RUNX1T1: variants seen among roughly 807,000 people sequenced by gnomAD.
RUNX1T1 encodes protein CBFA2T1.
A neutral mutation model predicts 62.8 loss-of-function variants in RUNX1T1; 4 were observed. The observed-to-expected ratio is 0.06, with a 90% CI of 0.03 to 0.15. The LOEUF (loss-of-function observed/expected upper bound fraction) is 0.15. Among genes scored for constraint, RUNX1T1 ranks in the 10% least tolerant of loss-of-function variants. RUNX1T1 has a pLI of 1.00. For synonymous variants in RUNX1T1, 291 were observed against 286.0 expected (o/e 1.02, Z -0.18); for missense variants, 508 against 754.3 (o/e 0.67, Z 3.82).
At chr8:92,060,459 A>G (rs1241531868) in intron 1 of RUNX1T1, among the ~76,000 whole-genome samples, 3 of 149,188 alleles carry the variant, frequency 2.0e-5, no homozygotes, top group Non-Finnish European at 4.5e-5. Flanking sequence ...AAGGCCCTAG[A>G]TATGGCAATT....
chr8:92,051,537 T>C (rs1425221189), intron 1 of RUNX1T1, among the ~76,000 whole-genome samples: 6 of 150,182 alleles, frequency 4.0e-5, no homozygotes, highest in Admixed American at 3.3e-4. Context: ...TACACATACA[T>C]TCTCTCTTGC....
rs1462712434 is a variant in RUNX1T1 at position 92,021,931 on chromosome 8, T to C, written c.8-4568A>G. Among the ~76,000 whole-genome samples the C allele has an allele frequency of 2.7e-5, 4 of 150,518 alleles. No individual in the cohort carries two copies. In the East Asian group the frequency reaches 7.8e-4, roughly 29 times the overall value. On this transcript the variant is annotated intron_variant, in intron 1 of 10. Coordinates refer to ENST00000396218, the Ensembl canonical transcript of RUNX1T1. ...TAGAATGACCCGTCCCACTTGCACA[T>C]TCTTCACTGCTCACTGTAGATCACA...
At chr8:92,060,050 A>C (rs948100999) in intron 1 of RUNX1T1, among the ~76,000 whole-genome samples, 20 of 152,276 alleles carry the variant, frequency 1.3e-4, no homozygotes, top group Admixed American at 1.2e-3. Flanking sequence ...GATTCATAAA[A>C]ATATAAGTGT....
At chr8:91,959,466 G>GTA (rs1244578774) in exon 11 of RUNX1T1, 18 of 89,286 alleles carry the variant, frequency 2.0e-4, no homozygotes, top group African/African-American at 1.0e-3. Flanking sequence ...GTGTGTGTGT[G>GTA]TATATGTGCG....
At chr8:92,093,957 A>G (rs1271704227) in intron 1 of RUNX1T1, among the ~76,000 whole-genome samples, 1 of 152,214 alleles carries the variant, frequency 6.6e-6, no homozygotes, top group Non-Finnish European at 1.5e-5. Flanking sequence ...TTCTTAGCCA[A>G]AAGAGCTCTA....
chr8:92,096,690 A>T (rs1291067557), intron 1 of RUNX1T1, among the ~76,000 whole-genome samples: 1 of 152,116 alleles, frequency 6.6e-6, no homozygotes, highest in Non-Finnish European at 1.5e-5. Context: ...AAATTACACA[A>T]TTGTTCATGG....
rs188425447 is a variant in RUNX1T1 at position 92,076,196 on chromosome 8, T to C, written c.-85-59A>G. Reference sequence around the variant, plus strand: ...ATATCACAACCAGTCTGAAGTATCATACCCATCTGTTTACATGATAACACT... The same window carrying C: ...ATATCACAACCAGTCTGAAGTATCACACCCATCTGTTTACATGATAACACT... On this transcript the variant is annotated intron_variant, in intron 1 of 11. Coordinates refer to the RUNX1T1 transcript ENST00000265814. 1.4e-4 allele frequency: 188 copies of C among 1,345,968 alleles called. 1 individual carries two copies. The East Asian group carries it at 3.7e-3, about 26-fold the overall frequency. The allele number at this position is 1,345,968 out of a possible 1,614,324, so 83.4% of individuals were successfully genotyped here.
At chr8:91,956,447 G>T (rs1394449897), downstream of RUNX1T1, 3 of 228,232 alleles carry the variant, frequency 1.3e-5, no homozygotes, top group Non-Finnish European at 2.6e-5. Flanking sequence ...TCAGGCTGGG[G>T]TCACTGGTGG....
At chr8:92,061,578 A>C (rs1832035371) in intron 1 of RUNX1T1, among the ~76,000 whole-genome samples, 1 of 152,216 alleles carries the variant, frequency 6.6e-6, no homozygotes, top group Non-Finnish European at 1.5e-5. Context: ...TGGACGAGAC[A>C]CATCCTAAAG....
At chr8:92,095,526 G>A (rs1837666387) in intron 1 of RUNX1T1, 3 of 1,495,968 alleles carry the variant, frequency 2.0e-6, no homozygotes, top group Admixed American at 2.2e-5. Context: ...CGTGCATCAG[G>A]GTGATTACAA....
intron 8 of RUNX1T1, among the ~76,000 whole-genome samples, chr8:91,983,278 T>G (rs748411468): frequency 6.9e-4 from 105 of 152,068 alleles, no homozygotes; most frequent in Non-Finnish European, 1.4e-3. Flanking sequence ...ATCGAGTTAT[T>G]TTACTAACCC....
At chr8:92,003,902 T>C (rs1820232679) in intron 5 of RUNX1T1, among the ~76,000 whole-genome samples, 1 of 152,334 alleles carries the variant, frequency 6.6e-6, no homozygotes, top group South Asian at 2.1e-4. Flanking sequence ...CTACAATACG[T>C]CAAAAGGGGA....
intron 1 of RUNX1T1, among the ~76,000 whole-genome samples, chr8:92,030,546 A>C (rs985140907): frequency 2.6e-5 from 4 of 152,226 alleles, no homozygotes; most frequent in African/African-American, 9.6e-5. Context: ...AACTGACGAT[A>C]ATAATGAAAT....
intron 1 of RUNX1T1, among the ~76,000 whole-genome samples, chr8:92,043,981 A>ATT (rs1828940813): frequency 6.7e-6 from 1 of 150,112 alleles, no homozygotes. Flanking sequence ...TCCGTCTCAA[A>ATT]AAAAAAAAAA....
intron 1 of RUNX1T1, among the ~76,000 whole-genome samples, chr8:92,053,259 C>T (rs1215559672): frequency 6.6e-6 from 1 of 152,040 alleles, no homozygotes; most frequent in African/African-American, 2.4e-5. Flanking sequence ...ATATAAGAAA[C>T]TATTGGCTAA....
chr8:92,048,837 A>C (rs1476831615), intron 1 of RUNX1T1, among the ~76,000 whole-genome samples: 1 of 152,230 alleles, frequency 6.6e-6, no homozygotes, highest in East Asian at 1.9e-4. Flanking sequence ...GAAAATAATT[A>C]CAAATTGGGT....
chr8:92,088,903 C>G (rs539190546), intron 1 of RUNX1T1, among the ~76,000 whole-genome samples: 2 of 152,326 alleles, frequency 1.3e-5, no homozygotes, highest in Non-Finnish European at 2.9e-5. Context: ...TTAGTACCAA[C>G]TACGAGTTCA....
At chr8:92,089,638 G>GA (rs1293209098) in intron 1 of RUNX1T1, among the ~76,000 whole-genome samples, 1 of 151,960 alleles carries the variant, frequency 6.6e-6, no homozygotes, top group Non-Finnish European at 1.5e-5. Context: ...ACTATGAGGC[G>GA]AAAGCATAAA....
intron 5 of RUNX1T1, among the ~76,000 whole-genome samples, chr8:91,995,756 C>T (rs749618606): frequency 6.6e-6 from 1 of 152,102 alleles, no homozygotes; most frequent in Non-Finnish European, 1.5e-5. Context: ...CACTGCACTC[C>T]AGCCTGAGCA....
Sources: allele counts gnomAD v4.1 joint callset (sites outside exome capture counted in the v4.1 genomes callset), GRCh38; gene constraint gnomAD v4.1.1; transcripts MANE v1.5; gene names NCBI Gene and HGNC (gene_info 2026-07-23, HGNC 2026-07-21).